EVA1C: variants seen among roughly 807,000 people sequenced by gnomAD.
EVA1C encodes protein eva-1 homolog C.
A neutral mutation model predicts 45.4 loss-of-function variants in EVA1C; 25 were observed. That is an observed-to-expected ratio of 0.55 (90% CI 0.40 to 0.77). The LOEUF is 0.77. Among genes scored for constraint, EVA1C ranks in the 30% least tolerant of loss-of-function variants. EVA1C has a pLI of 0.00. For synonymous variants in EVA1C, 190 were observed against 221.2 expected, an observed-to-expected ratio of 0.86 and a Z score of 1.25; for missense variants, 479 against 554.8, an observed-to-expected ratio of 0.86 and a Z score of 1.37.
intron 1 of EVA1C, among the ~76,000 whole-genome samples, chr21:32,444,543 G>A (rs1472910299): frequency 2.0e-5 from 3 of 152,158 alleles, no homozygotes; most frequent in South Asian, 2.1e-4. Context: ...TGTGCCCACC[G>A]TGGGTGCCCT....
At chr21:32,461,434 G>A (rs2146281354) in intron 3 of EVA1C, among the ~76,000 whole-genome samples, 1 of 152,316 alleles carries the variant, frequency 6.6e-6, no homozygotes, top group South Asian at 2.1e-4. Context: ...CTGCCATTTA[G>A]GAGGTGGAAG....
Position 32,466,899 on chromosome 21 carries a change from G to A in EVA1C, c.482-797G>A, listed in dbSNP as rs561254803. Among the ~76,000 whole-genome samples, 31 of 151,692 alleles carry A rather than the reference G, an allele frequency of 2.0e-4. 1 individual carries two copies. In the South Asian group the frequency reaches 2.9e-3, roughly 14 times the overall value. On this transcript the variant is annotated intron_variant, in intron 3 of 7. Transcript: ENST00000300255. ...TGGTCTCCAACTTCTGGGCTCAAGC[G>A]AACCTCCTGTCTCAGCCTCCCACCC...
rs997024514 is a variant in EVA1C, at chr21:32,412,815, G to C, written c.-39G>C. On this transcript the variant is annotated 5_prime_UTR_variant, in exon 1 of 8. Coordinates refer to ENST00000300255, the MANE Select transcript of EVA1C (RefSeq NM_058187.5). Reference sequence around the variant, plus strand: ...TCCTTAGCCCTGCGACCCCCAGCGCGTCCCGGGCCTGCGCCTCCGCCCCGC... The same window carrying C: ...TCCTTAGCCCTGCGACCCCCAGCGCCTCCCGGGCCTGCGCCTCCGCCCCGC... 16 of 1,350,170 alleles carry C rather than the reference G, an allele frequency of 1.2e-5. No homozygotes were observed. Among genetic ancestry groups the C allele is most frequent in the Middle Eastern group, 2.7e-4 (1 of 3,744 alleles). The allele number at this position is 1,350,170 out of a possible 1,614,324, so 83.6% of individuals were successfully genotyped here.
intron 3 of EVA1C, among the ~76,000 whole-genome samples, chr21:32,464,366 T>C (rs1041439668): frequency 4.6e-5 from 7 of 152,310 alleles, no homozygotes; most frequent in East Asian, 1.9e-4. Flanking sequence ...ATCTTGAATG[T>C]TCCCGTCCTC....
chr21:32,471,288 C>T (rs1485886382), intron 4 of EVA1C, among the ~76,000 whole-genome samples: 3 of 151,578 alleles, frequency 2.0e-5, no homozygotes, highest in South Asian at 2.1e-4. Context: ...GTCTTCTTTA[C>T]GGGCTCTGTG....
At chr21:32,436,317 C>T (rs1346535338) in intron 1 of EVA1C, among the ~76,000 whole-genome samples, 1 of 152,194 alleles carries the variant, frequency 6.6e-6, no homozygotes, top group South Asian at 2.1e-4. Context: ...CCGCCTCGGC[C>T]TCCCAAAATG....
intron 1 of EVA1C, among the ~76,000 whole-genome samples, chr21:32,437,622 C>G (rs949478198): frequency 6.6e-6 from 1 of 152,218 alleles, no homozygotes; most frequent in Non-Finnish European, 1.5e-5. Flanking sequence ...GAGAAGCTCC[C>G]TCTGAGCCTT....
intron 4 of EVA1C, among the ~76,000 whole-genome samples, chr21:32,470,979 A>T (rs1428013688): frequency 6.6e-6 from 1 of 151,694 alleles, no homozygotes; most frequent in Non-Finnish European, 1.5e-5. Context: ...GGCTGGTCTC[A>T]AACTCCTGAC....
chr21:32,453,311 G>A lies in EVA1C; in HGVS notation c.161-1G>A. On this transcript the variant is annotated splice_acceptor_variant, in intron 1 of 7. Coordinates refer to ENST00000300255, the MANE Select transcript of EVA1C (RefSeq NM_058187.5). LOFTEE classifies it high-confidence loss of function. ...TAGTAACTCGACTGAATATTTTCCA[G>A]GTTACCTAACCAAACTCCTGCAAAA... is the stretch of plus-strand genomic sequence containing the variant. The A allele has an allele frequency of 6.3e-7, 1 of 1,588,208 alleles. No homozygotes were observed. The highest frequency in any genetic ancestry group is 8.6e-7 in the Non-Finnish European group (1 of 1,160,430).
At chr21:32,423,654 C>A (rs1401793571) in intron 1 of EVA1C, among the ~76,000 whole-genome samples, 2 of 151,874 alleles carry the variant, frequency 1.3e-5, no homozygotes, top group African/African-American at 4.8e-5. Context: ...AATTTCTCAT[C>A]CTTATGTTCT....
At chr21:32,427,856 A>C (rs2034550145) in intron 1 of EVA1C, among the ~76,000 whole-genome samples, 1 of 176 alleles carries the variant, frequency 5.7e-3, no homozygotes. Flanking sequence ...CATCTCTATT[A>C]AAAAAAAAAA....
intron 1 of EVA1C, among the ~76,000 whole-genome samples, chr21:32,433,463 G>A (rs111432609): frequency 5.3e-4 from 70 of 131,828 alleles, no homozygotes; most frequent in Middle Eastern, 3.8e-3. Flanking sequence ...TGTCTCTGGC[G>A]CGTTATCAGG....
intron 1 of EVA1C, among the ~76,000 whole-genome samples, chr21:32,413,598 C>A (rs1421712262): frequency 6.6e-6 from 1 of 152,220 alleles, no homozygotes; most frequent in Non-Finnish European, 1.5e-5. Context: ...TTCCAGTTTC[C>A]TTCACAGAAA....
chr21:32,461,171 G>C (rs572598669), intron 3 of EVA1C, among the ~76,000 whole-genome samples: 102 of 152,364 alleles, frequency 6.7e-4, no homozygotes, highest in Non-Finnish European at 1.3e-3. Context: ...CTGTGGCTGC[G>C]GGTTGCAGGT....
intron 1 of EVA1C, among the ~76,000 whole-genome samples, chr21:32,416,206 T>TTGTG (rs113090077): frequency 1.9e-4 from 28 of 150,066 alleles, no homozygotes; most frequent in South Asian, 1.1e-3. Context: ...ACTTACTGTT[T>TTGTG]TGTGTGTGTG....
At chr21:32,459,886 T>C (rs1041823) in intron 3 of EVA1C, among the ~76,000 whole-genome samples, 23,708 of 148,644 alleles carry the variant, frequency 0.16, 2,151 homozygotes, top group Admixed American at 0.23. Flanking sequence ...ATATTAACAA[T>C]TGGAGACCTG....
intron 2 of EVA1C, among the ~76,000 whole-genome samples, chr21:32,456,256 T>C (rs538485752): frequency 4.6e-5 from 7 of 152,290 alleles, no homozygotes; most frequent in Admixed American, 1.3e-4. Flanking sequence ...GGGAGGTTGC[T>C]TAACATGGGG....
intron 3 of EVA1C, among the ~76,000 whole-genome samples, chr21:32,460,827 C>T (rs2035970798): frequency 6.6e-6 from 1 of 151,732 alleles, no homozygotes; most frequent in Non-Finnish European, 1.5e-5. Flanking sequence ...CTCACTGCAA[C>T]CTCTGCCTCC....
intron 4 of EVA1C, among the ~76,000 whole-genome samples, chr21:32,469,164 G>A (rs764495255): frequency 6.6e-6 from 1 of 152,170 alleles, no homozygotes; most frequent in Non-Finnish European, 1.5e-5. Flanking sequence ...CTACACCCTC[G>A]TGGAGCTGAC....
Sources: gnomAD v4.1 joint callset for allele counts (sites outside exome capture counted in the v4.1 genomes callset) on GRCh38, gnomAD v4.1.1 for gene constraint, MANE v1.5 for transcripts, NCBI Gene and HGNC (gene_info 2026-07-23, HGNC 2026-07-21) for gene names.